TOPORS: variants seen among roughly 807,000 people sequenced by gnomAD.
The protein encoded by TOPORS is E3 ubiquitin-protein ligase Topors.
TOPORS carries 25 observed loss-of-function variants against 81.4 expected under a neutral mutation model. The ratio of observed to expected loss-of-function variants is 0.31; its 90% confidence interval spans 0.22 to 0.43. The LOEUF (loss-of-function observed/expected upper bound fraction) is 0.43. TOPORS is among the 20% of genes least tolerant of loss of function. The probability of loss-of-function intolerance (pLI) is 1.00; values close to 1 mark genes in which losing one functional copy is unlikely to be tolerated. For synonymous variants in TOPORS, 473 were observed against 456.6 expected (o/e 1.04, Z -0.46); for missense variants, 1,101 against 1,267.0 (o/e 0.87, Z 1.99).
chr9:32,551,403 C>G (rs1369179927), intron 1 of TOPORS: 6 of 328,958 alleles, frequency 1.8e-5, no homozygotes. Flanking sequence ...ACCAGGAGTC[C>G]AACGGGATCC....
intron 2 of TOPORS, among the ~76,000 whole-genome samples, chr9:32,548,754 A>G (rs1371698520): frequency 6.6e-6 from 1 of 152,160 alleles, no homozygotes; most frequent in Non-Finnish European, 1.5e-5. Flanking sequence ...TCCTAAATGA[A>G]GTTCACCATC....
At position 32,543,181 on chromosome 9, in the gene TOPORS, T is replaced by C. The variant is rs1308988140; in HGVS notation, c.1344A>G (p.Glu448=). 3 of 1,613,968 alleles carry C rather than the reference T, an allele frequency of 1.9e-6. No individual in the cohort carries two copies. Among genetic ancestry groups the C allele is most frequent in the Non-Finnish European group, 2.5e-6 (3 of 1,180,032 alleles). Residue 448 remains glutamate (E), a synonymous_variant, in exon 3 of 3, where the codon GAA becomes GAG. Transcript: ENST00000360538. This position sits in a 1 kb window ranked among gnomAD's most constrained non-coding sequence, Gnocchi z 5.6. The part of the protein sequence containing the change: ...LLNTSDSSDE[E]LVTGGATSQI... ...GAGACGTGGCTCCTCCTGTGACAAG[T>C]TCTTCATCTGAACTGTCAGAAGTAT...
rs749070735 is a variant in TOPORS at position 32,544,193 on chromosome 9, T to A, written c.332A>T (p.Asp111Val). Residue 111 changes from aspartate to valine, a missense_variant, in exon 3 of 3, where the codon GAT (aspartate) becomes GTT (valine). Around this residue, in one of 9 missense-constraint regions of TOPORS, gnomAD observed 48 missense variants for 73.3 expected, o/e 0.65. Transcript: ENST00000360538. The part of the protein sequence containing the change: ...SKCPICLDRF[D>V]NVSYLDRCLH... ...GCAGCGATCTAAGTAAGACACATTA[T>A]CAAATCTATCCAAGCATATAGGACA... 1.2e-6 allele frequency: 2 copies of A among 1,613,284 alleles called. No individual in the cohort carries two copies. The highest frequency in any genetic ancestry group is 1.7e-6 in the Non-Finnish European group (2 of 1,180,020).
chr9:32,550,606 G>T (rs535807334), intron 2 of TOPORS, among the ~76,000 whole-genome samples, 168 bp downstream of exon 2: 2 of 152,246 alleles, frequency 1.3e-5, no homozygotes, highest in South Asian at 4.1e-4. Flanking sequence ...CCAATCCACA[G>T]GTGCGCGCAG....
In TOPORS at chr9:32,542,960, T is replaced by C. The variant is rs748055103; in HGVS notation, c.1565A>G (p.Tyr522Cys). 3.7e-6 allele frequency: 6 copies of C among 1,614,166 alleles called. No individual in the cohort carries two copies. The highest frequency in any genetic ancestry group is 5.1e-6 in the Non-Finnish European group (6 of 1,180,022). ...TVKTQEQEQS[Y>C]SSGDSDVSRC... ...ACTAACATCGCTATCACCAGAACTG[T>C]AAGATTGCTCCTGTTCTTGTGTCTT... Residue 522 changes from tyrosine (Y) to cysteine (C), a missense_variant, in exon 3 of 3, where the codon TAC (tyrosine) becomes TGC (cysteine). Tyr to Cys is a radical substitution (Grantham distance 194, BLOSUM62 -2). Transcript: ENST00000360538.
At position 32,542,668 on chromosome 9, in the gene TOPORS, A is replaced by G. The variant is rs1223865426; in HGVS notation, c.1857T>C (p.His619=). The G allele has an allele frequency of 8.7e-6, 14 of 1,613,636 alleles. No individual in the cohort carries two copies. The highest frequency in any genetic ancestry group is 1.2e-5 in the Non-Finnish European group (14 of 1,179,964). The part of the protein sequence containing the change: ...GHDQKNHRKH[H]GKKRMKSKRS... ...GTTTACTTTTCATTCTTTTCTTCCC[A>G]TGATGCTTTCTATGATTCTTCTGAT... The change falls in exon 3 of 3, where the codon CAT becomes CAC. Residue 619 remains histidine, a synonymous_variant. Transcript: ENST00000360538.
In TOPORS at chr9:32,542,528, C is replaced by T. The variant is rs899532252; in HGVS notation, c.1997G>A (p.Ser666Asn). The change falls in exon 3 of 3, where the codon AGC (serine) becomes AAC (asparagine). Residue 666 changes from serine (S) to asparagine (N), a missense_variant. By Grantham distance (46) the Ser-to-Asn change is conservative. Coordinates refer to ENST00000360538, the MANE Select transcript of TOPORS (RefSeq NM_005802.5). Reference protein sequence around the residue: ...RSQTLSLSSESTSRSRSRSSD... With the variant: ...RSQTLSLSSENTSRSRSRSSD... ...GCTACGAGACCTTGATCTGCTTGTG[C>T]TTTCACTACTTAGAGACAGAGTTTG... 6.2e-7 allele frequency: 1 copy of T among 1,614,098 alleles called. No homozygotes were observed. The highest frequency in any genetic ancestry group is 8.5e-7 in the Non-Finnish European group (1 of 1,180,026).
chr9:32,551,035 C>A, intron 1 of TOPORS, 67 bp from the exon 2 acceptor site: 3 of 1,554,654 alleles, frequency 1.9e-6, no homozygotes, highest in South Asian at 1.1e-5. Flanking sequence ...ACCCACCCCC[C>A]AGCTCCCGCG....
intron 1 of TOPORS, 124 bp from the exon 2 acceptor site, chr9:32,551,092 A>C (rs887374280): frequency 8.2e-7 from 1 of 1,219,420 alleles, no homozygotes; most frequent in Non-Finnish European, 1.2e-6. Context: ...CAGCAGATGG[A>C]CGCCGGCCTC....
chr9:32,542,967 G>T lies in TOPORS; in HGVS notation c.1558C>A (p.Gln520Lys), dbSNP rs575403671. The change falls in exon 3 of 3, where the codon CAA (glutamine) becomes AAA (lysine). Residue 520 changes from glutamine (Q) to lysine (K), a missense_variant. Transcript: ENST00000360538. ...TCGCTATCACCAGAACTGTAAGATTGCTCCTGTTCTTGTGTCTTCACTGTC... is the reference window on the plus strand; with the variant it reads ...TCGCTATCACCAGAACTGTAAGATTTCTCCTGTTCTTGTGTCTTCACTGTC... Reference protein sequence around the residue: ...METVKTQEQEQSYSSGDSDVS... With the variant: ...METVKTQEQEKSYSSGDSDVS... The T allele has an allele frequency of 1.2e-6, 2 of 1,614,156 alleles. No individual in the cohort carries two copies. Among genetic ancestry groups the T allele is most frequent in the East Asian group, 4.5e-5 (2 of 44,884 alleles).
At position 32,544,275 on chromosome 9, in the gene TOPORS, C is replaced by A; in HGVS notation, c.250G>T (p.Ala84Ser). 4.4e-6 allele frequency: 7 copies of A among 1,605,396 alleles called. No homozygotes were observed. Among genetic ancestry groups the A allele is most frequent in the Non-Finnish European group, 5.9e-6 (7 of 1,179,976 alleles). The change falls in exon 3 of 3, where the codon GCT becomes TCT. Residue 84 changes from alanine (A) to serine (S), a missense_variant. Physicochemically the swap from Ala to Ser is moderately conservative, Grantham distance 99 (BLOSUM62 1). Transcript: ENST00000360538. The part of the protein sequence containing the change: ...EFKMDNFSPK[A>S]GTSKLQQTVP... Reference sequence around the variant, plus strand: ...GTCTGTTGCAATTTGCTAGTGCCAGCTTTAGGTGAAAAGTTGTCCATTTTA... The same window carrying A: ...GTCTGTTGCAATTTGCTAGTGCCAGATTTAGGTGAAAAGTTGTCCATTTTA...
rs1821054992 is a variant in TOPORS at position 32,541,419 on chromosome 9, C to T, written c.3106G>A (p.Val1036Ile). The change falls in exon 3 of 3, where the codon GTA (valine) becomes ATA (isoleucine). Residue 1036 changes from valine to isoleucine, a missense_variant. Val to Ile is a conservative substitution (Grantham distance 29). Around this residue, in one of 9 missense-constraint regions of TOPORS, gnomAD observed 605 missense variants for 636.1 expected, o/e 0.95. Coordinates refer to ENST00000360538, the MANE Select transcript of TOPORS (RefSeq NM_005802.5). ...LPSPRTSLMSVCLGRDCDMS is the reference protein window; with the variant it reads ...LPSPRTSLMSICLGRDCDMS ...ATATCACAGTCTCTACCAAGACATA[C>T]TGACATTAATGATGTCCGTGGCGAT... is the stretch of plus-strand genomic sequence containing the variant. 2.5e-6 allele frequency: 4 copies of T among 1,614,064 alleles called. No individual in the cohort carries two copies. The highest frequency in any genetic ancestry group is 1.3e-5 in the African/African-American group (1 of 74,936).
At chr9:32,547,842 A>AT (rs1821160043) in intron 2 of TOPORS, among the ~76,000 whole-genome samples, 1 of 151,712 alleles carries the variant, frequency 6.6e-6, no homozygotes, top group Non-Finnish European at 1.5e-5. Context: ...CTTTTATTTT[A>AT]TTTTTTTGAG....
chr9:32,544,785 C>T (rs1821120272), intron 2 of TOPORS, among the ~76,000 whole-genome samples: 1 of 151,952 alleles, frequency 6.6e-6, no homozygotes. Context: ...ATGTATCCAC[C>T]ACTTATGTTA....
Position 32,542,569 on chromosome 9 carries a change from A to G in TOPORS, c.1956T>C (p.Ser652=). The change falls in exon 3 of 3, where the codon AGT becomes AGC. Residue 652 remains serine, a synonymous_variant. Transcript: ENST00000360538. The part of the protein sequence containing the change: ...DKKRSRTRDS[S]WSRRSQTLSL... ...ACAGAGTTTGGCTTCTTCTGGACCAACTGCTATCTCTAGTTCTTGATCTCT... is the reference window on the plus strand; with the variant it reads ...ACAGAGTTTGGCTTCTTCTGGACCAGCTGCTATCTCTAGTTCTTGATCTCT... 2 of 1,613,992 alleles carry G rather than the reference A, an allele frequency of 1.2e-6. No individual in the cohort carries two copies. The highest frequency in any genetic ancestry group is 1.7e-6 in the Non-Finnish European group (2 of 1,179,992).
At chr9:32,551,627 C>T (rs1821263438) in intron 1 of TOPORS, 1 of 266,784 alleles carries the variant, frequency 3.7e-6, no homozygotes, top group Non-Finnish European at 8.1e-6. Context: ...GCCTAAGCGG[C>T]CCGTTGCCAG....
chr9:32,545,956 C>G (rs1349074267), intron 2 of TOPORS, among the ~76,000 whole-genome samples: 2 of 152,064 alleles, frequency 1.3e-5, no homozygotes, highest in East Asian at 3.9e-4. Flanking sequence ...TAAACAAAAC[C>G]CACAACAAAA....
At chr9:32,544,686 C>T (rs193014813) in intron 2 of TOPORS, among the ~76,000 whole-genome samples, 21 of 152,160 alleles carry the variant, frequency 1.4e-4, no homozygotes, top group African/African-American at 4.6e-4. Context: ...CATAGTAAAG[C>T]TCTCAAATAT....
chr9:32,543,280 T>C lies in TOPORS; in HGVS notation c.1245A>G (p.Pro415=), dbSNP rs751491112. The part of the protein sequence containing the change: ...DINVATVSQA[P]WDDETPGPSY... ...ATGGTCCTGGAGTTTCATCATCCCA[T>C]GGTGCCTGACTAACAGTGGCTACAT... The change falls in exon 3 of 3, where the codon CCA becomes CCG. Residue 415 remains proline (P), a synonymous_variant. Coordinates refer to ENST00000360538, the MANE Select transcript of TOPORS (RefSeq NM_005802.5). This position sits in a 1 kb window ranked among gnomAD's most constrained non-coding sequence, Gnocchi z 5.6. 1 of 1,613,996 alleles carries C rather than the reference T, an allele frequency of 6.2e-7. No homozygotes were observed. The highest frequency in any genetic ancestry group is 8.5e-7 in the Non-Finnish European group (1 of 1,180,030).
Sources: gnomAD v4.1 joint callset for allele counts (sites outside exome capture counted in the v4.1 genomes callset) on GRCh38, gnomAD v4.1.1 for gene constraint, gnomAD v4.1.1 regional missense constraint, Gnocchi (gnomAD v3.1) non-coding constraint, MANE v1.5 for transcripts, NCBI Gene and HGNC (gene_info 2026-07-23, HGNC 2026-07-21) for gene names.